PRKCI: variants seen among roughly 807,000 people sequenced by gnomAD.
The protein encoded by PRKCI is protein kinase C iota, also known as protein kinase C iota type.
Under a neutral mutation model 84.0 loss-of-function variants are expected in PRKCI, and 43 were observed. The observed-to-expected ratio is 0.51, with a 90% CI of 0.40 to 0.66. The LOEUF (loss-of-function observed/expected upper bound fraction) is 0.66. PRKCI is among the 30% of genes least tolerant of loss of function. PRKCI has a pLI of 0.00. For missense variants in PRKCI, 459 were observed against 745.6 expected (o/e 0.62, Z 4.48); for synonymous variants, 216 against 234.4 (o/e 0.92, Z 0.72).
At chr3:170,253,332 C>A (rs897814845) in intron 2 of PRKCI, among the ~76,000 whole-genome samples, 1 of 152,184 alleles carries the variant, frequency 6.6e-6, no homozygotes, top group African/African-American at 2.4e-5. Flanking sequence ...CCCTTTTCTG[C>A]ATATCCTTTC....
At chr3:170,279,269 A>G (rs1734189632) in intron 8 of PRKCI, among the ~76,000 whole-genome samples, 1 of 152,176 alleles carries the variant, frequency 6.6e-6, no homozygotes, top group Admixed American at 6.5e-5. Context: ...GGGCTCAATC[A>G]GTCCACCTGC....
chr3:170,263,553 G>GCTTCC, intron 4 of PRKCI, 124 bp downstream of exon 4: 1 of 732,498 alleles, frequency 1.4e-6, no homozygotes, highest in Non-Finnish European at 2.2e-6. Context: ...TGTAATCCCA[G>GCTTCC]CACTGTGGGA....
chr3:170,281,341 T>A, intron 10 of PRKCI, 78 bp downstream of exon 10: 2 of 1,161,216 alleles, frequency 1.7e-6, no homozygotes, highest in Non-Finnish European at 2.6e-6. Context: ...CTTTCTGCCC[T>A]AATTCATGAA....
chr3:170,296,745 T>G (rs1234424433), intron 15 of PRKCI, among the ~76,000 whole-genome samples: 1 of 152,150 alleles, frequency 6.6e-6, no homozygotes, highest in Non-Finnish European at 1.5e-5. Context: ...CAAGAGGTGT[T>G]GATATGCAAA....
intron 2 of PRKCI, among the ~76,000 whole-genome samples, chr3:170,259,415 T>G (rs1358978552): frequency 6.6e-6 from 1 of 152,208 alleles, no homozygotes; most frequent in African/African-American, 2.4e-5. Flanking sequence ...TCTATATACA[T>G]TGGTGTCTGT....
chr3:170,296,078 C>T, intron 15 of PRKCI, 88 bp downstream of exon 15: 1 of 709,428 alleles, frequency 1.4e-6, no homozygotes, highest in Non-Finnish European at 2.2e-6. Context: ...ATGTAAAATT[C>T]CAAAACAGTA....
Position 170,275,136 on chromosome 3 carries a change from G to A in PRKCI, c.647-93G>A, listed in dbSNP as rs78682515. The A allele has an allele frequency of 6.2e-3, 8,438 of 1,363,968 alleles. 446 individuals carry two copies. The African/African-American group carries it at 0.12, about 19-fold the overall frequency. 84.5% of individuals were successfully genotyped at this position (1,363,968 alleles called of 1,614,324 possible). A position where few individuals can be genotyped will look rare whatever the true frequency, so the allele number is the denominator to read the frequency against. On this transcript the variant is annotated intron_variant, in intron 7 of 17. Transcript: ENST00000295797. ...GTAAAAACTAAAATAAAAATCAGGAGACAATTTTTATTTCAAACTCATTAA... is the reference window on the plus strand; with the variant it reads ...GTAAAAACTAAAATAAAAATCAGGAAACAATTTTTATTTCAAACTCATTAA...
In PRKCI at chr3:170,222,528, G is replaced by A. The variant is rs1732512415; in HGVS notation, c.-142G>A. 1 of 696,794 alleles carries A rather than the reference G, an allele frequency of 1.4e-6. No homozygotes were observed. The highest frequency in any genetic ancestry group is 2.2e-6 in the Non-Finnish European group (1 of 457,688). 43.2% of individuals were successfully genotyped at this position (696,794 alleles called of 1,614,324 possible). On this transcript the variant is annotated 5_prime_UTR_variant, in exon 1 of 18. Coordinates refer to ENST00000295797, the MANE Select transcript of PRKCI (RefSeq NM_002740.6). ...GCTGCTCCGGCGAGGCGACCCTTGG[G>A]TCGGCGCTGCGGGCGAGGTGGGCAG...
intron 12 of PRKCI, among the ~76,000 whole-genome samples, chr3:170,287,908 CAAAAAA>C (rs750366555): frequency 7.9e-5 from 4 of 50,550 alleles, no homozygotes; most frequent in African/African-American, 1.4e-4. Flanking sequence ...GACTCTGTCT[CAAAAAA>C]AAAAAAAAAA....
At chr3:170,300,593 AAAG>A (rs1298179995) in intron 17 of PRKCI, among the ~76,000 whole-genome samples, 1 of 152,060 alleles carries the variant, frequency 6.6e-6, no homozygotes, top group Non-Finnish European at 1.5e-5. Context: ...CAAAAAAAAA[AAAG>A]TTAATAGATG....
At chr3:170,265,620 C>CTTT (rs111545487) in intron 4 of PRKCI, among the ~76,000 whole-genome samples, 3 of 142,370 alleles carry the variant, frequency 2.1e-5, no homozygotes, top group East Asian at 2.0e-4. Flanking sequence ...CTTTCTTTTT[C>CTTT]TTTTTTTTTT....
intron 2 of PRKCI, among the ~76,000 whole-genome samples, chr3:170,251,350 A>G (rs1403625885): frequency 1.3e-5 from 2 of 152,238 alleles, no homozygotes; most frequent in Non-Finnish European, 2.9e-5. Context: ...AAGTTTGGAA[A>G]GAGAAGACTT....
intron 8 of PRKCI, among the ~76,000 whole-genome samples, chr3:170,277,553 G>A (rs1734145493): frequency 1.3e-5 from 2 of 152,080 alleles, no homozygotes; most frequent in South Asian, 4.1e-4. Flanking sequence ...AATTAGCCAG[G>A]CTCGGTGGCA....
At position 170,303,805 on chromosome 3, in the gene PRKCI, T is replaced by C. The variant is rs1215967669; in HGVS notation, c.*678T>C. The C allele has an allele frequency of 5.4e-6, 1 of 185,556 alleles. No individual in the cohort carries two copies. Among genetic ancestry groups the C allele is most frequent in the African/African-American group, 2.3e-5 (1 of 42,672 alleles). 11.5% of individuals were successfully genotyped at this position (185,556 alleles called of 1,614,324 possible). A position where few individuals can be genotyped will look rare whatever the true frequency, so the allele number is the denominator to read the frequency against. ...TGAGGTCAGGAGTTTGAGATTGGCCTGGTCAACATGGTGAAATCCTGTCTC... is the reference window on the plus strand; with the variant it reads ...TGAGGTCAGGAGTTTGAGATTGGCCCGGTCAACATGGTGAAATCCTGTCTC... On this transcript the variant is annotated 3_prime_UTR_variant, in exon 18 of 18. Coordinates refer to ENST00000295797, the MANE Select transcript of PRKCI (RefSeq NM_002740.6).
At position 170,265,910 on chromosome 3, in the gene PRKCI, C is replaced by T. The variant is rs928721723; in HGVS notation, c.365-2005C>T. 3.9e-5 allele frequency among the ~76,000 whole-genome samples: 6 copies of T among 152,040 alleles called. No homozygotes were observed. The South Asian group carries it at 6.2e-4, about 16-fold the overall frequency. On this transcript the variant is annotated intron_variant, in intron 4 of 17. Coordinates refer to ENST00000295797, the MANE Select transcript of PRKCI (RefSeq NM_002740.6). ...TGCTGGGATTACGGGCGTGAGCCAC[C>T]GCGCCCGGCCTAAACTTTCAATTCT...
chr3:170,277,709 AG>A (rs1734152554), intron 8 of PRKCI, among the ~76,000 whole-genome samples: 2 of 151,750 alleles, frequency 1.3e-5, no homozygotes, highest in African/African-American at 2.4e-5. Context: ...AAAAAAAAAA[AG>A]AAAATTACAA....
intron 2 of PRKCI, among the ~76,000 whole-genome samples, chr3:170,239,473 TTTTCAGTCAATGA>T (rs1357501714): frequency 1.3e-5 from 2 of 152,220 alleles, no homozygotes; most frequent in African/African-American, 2.4e-5. Context: ...TTAGAGTTGT[TTTTCAGTCAATGA>T]TTTTCAAATT....
intron 6 of PRKCI, among the ~76,000 whole-genome samples, chr3:170,271,493 C>T (rs1433563544): frequency 2.0e-5 from 3 of 152,174 alleles, no homozygotes; most frequent in Non-Finnish European, 4.4e-5. Context: ...CATTATGAAT[C>T]AGGATCCAAA....
intron 2 of PRKCI, among the ~76,000 whole-genome samples, chr3:170,251,389 C>T (rs1345755687): frequency 1.3e-5 from 2 of 152,048 alleles, no homozygotes; most frequent in Non-Finnish European, 2.9e-5. Context: ...GGAATAGTAA[C>T]AACTGAGAGA....
Sources: gnomAD v4.1 joint callset for allele counts (sites outside exome capture counted in the v4.1 genomes callset) on GRCh38, gnomAD v4.1.1 for gene constraint, MANE v1.5 for transcripts, NCBI Gene and HGNC (gene_info 2026-07-23, HGNC 2026-07-21) for gene names.